Variants in TUSC3 observed in about 807,000 individuals in gnomAD.
TUSC3 encodes dolichyl-diphosphooligosaccharide--protein glycosyltransferase subunit TUSC3.
Under a neutral mutation model 44.8 loss-of-function variants are expected in TUSC3, and 45 were observed. The observed-to-expected ratio is 1.00, with a 90% CI of 0.79 to 1.29. The LOEUF (loss-of-function observed/expected upper bound fraction) is 1.29, where lower values mean the gene tolerates loss of function less well. Among genes scored for constraint, TUSC3 ranks in the 50% most tolerant of loss-of-function variants. The probability of loss-of-function intolerance (pLI) is 0.00; values close to 1 mark genes in which losing one functional copy is unlikely to be tolerated. For synonymous variants in TUSC3, 212 were observed against 152.9 expected (o/e 1.39, Z -2.85); for missense variants, 519 against 437.9 (o/e 1.19, Z -1.65).
At chr8:15,459,588 C>A (rs73534238) in intron 1 of TUSC3, among the ~76,000 whole-genome samples, 3,793 of 152,054 alleles carry the variant, frequency 0.025, 168 homozygotes, top group African/African-American at 0.085. Context: ...ATACACTGCA[C>A]CCTATTTGTA....
At chr8:15,719,282 C>G (rs928170982) in intron 6 of TUSC3, among the ~76,000 whole-genome samples, 1 of 151,992 alleles carries the variant, frequency 6.6e-6, no homozygotes, top group African/African-American at 2.4e-5. Context: ...TATTCCATCT[C>G]TCTTATATGT....
chr8:15,536,907 A>G (rs1801532020), upstream of TUSC3, among the ~76,000 whole-genome samples: 1 of 151,814 alleles, frequency 6.6e-6, no homozygotes, highest in Non-Finnish European at 1.5e-5. Context: ...CCTGTATATC[A>G]TGACTTACTT....
intron 1 of TUSC3, chr8:15,561,488 C>T (rs1308987074): frequency 2.1e-5 from 3 of 146,262 alleles, no homozygotes; most frequent in African/African-American, 7.5e-5. Context: ...AGAGGTGGAG[C>T]CTACAGAGGC....
At chr8:15,806,272 TG>T in the TUSC3 span, 11 of 622,884 alleles carry the variant, frequency 1.8e-5, no homozygotes, top group Non-Finnish European at 3.0e-5. Flanking sequence ...AGTCTGGGGA[TG>T]TTCTCATTGG....
chr8:15,824,213 G>T, the TUSC3 span, among the ~76,000 whole-genome samples: 51,910 of 151,970 alleles, frequency 0.34, 9,825 homozygotes, highest in African/African-American at 0.5. Flanking sequence ...TCTTGTTATT[G>T]ATTATTAATA....
chr8:15,444,474 C>A (rs919595875), intron 1 of TUSC3, among the ~76,000 whole-genome samples: 9 of 152,272 alleles, frequency 5.9e-5, no homozygotes, highest in Middle Eastern at 3.4e-3. Flanking sequence ...AGCAACCTAA[C>A]AGGATTCTTG....
chr8:15,739,550 A>G (rs1811097785), intron 7 of TUSC3, among the ~76,000 whole-genome samples: 1 of 152,222 alleles, frequency 6.6e-6, no homozygotes, highest in Non-Finnish European at 1.5e-5. Context: ...AAAATAGTAA[A>G]TTATAAAAAT....
chr8:15,528,723 TA>T (rs1372125370), intron 2 of TUSC3, among the ~76,000 whole-genome samples: 1 of 152,218 alleles, frequency 6.6e-6, no homozygotes, highest in Non-Finnish European at 1.5e-5. Flanking sequence ...ATTCTTTCTT[TA>T]ATTTTTTTTA....
At chr8:15,585,238 A>G (rs1052105878) in intron 1 of TUSC3, among the ~76,000 whole-genome samples, 3 of 152,274 alleles carry the variant, frequency 2.0e-5, no homozygotes, top group Admixed American at 1.3e-4. Context: ...TCACTTTTAG[A>G]TCCATGGCAT....
intron 2 of TUSC3, among the ~76,000 whole-genome samples, chr8:15,509,621 A>G (rs1171170391): frequency 6.6e-6 from 1 of 152,122 alleles, no homozygotes; most frequent in East Asian, 1.9e-4. Flanking sequence ...AAAAAAAATC[A>G]TAATAAAATA....
chr8:15,763,149 G>C (rs1812222814), intron 10 of TUSC3, among the ~76,000 whole-genome samples: 1 of 151,354 alleles, frequency 6.6e-6, no homozygotes, highest in Admixed American at 6.6e-5. Flanking sequence ...TATATTTCAT[G>C]TTTTATACTA....
Position 15,738,828 on chromosome 8 carries a change from T to TTTTTTTTTTCTTTC in TUSC3, c.863-4701_863-4700insCTTTCTTTTTTTTT, listed in dbSNP as rs1491343208. Among the ~76,000 whole-genome samples the TTTTTTTTTTCTTTC allele has an allele frequency of 1.0e-3, 96 of 93,856 alleles. 5 individuals are homozygous for TTTTTTTTTTCTTTC. The highest frequency in any genetic ancestry group is 2.5e-3 in the African/African-American group (61 of 23,970). The allele number at this position is 93,856 out of a possible 152,430, so 61.6% of individuals were successfully genotyped here. A position where few individuals can be genotyped will look rare whatever the true frequency, so the allele number is the denominator to read the frequency against. Reference sequence around the variant, plus strand: ...CAAAATTACTATTAATATATCTTGCTTTTTTTTTTTTTTTTTTTTTTTGAG... The same window carrying TTTTTTTTTTCTTTC: ...CAAAATTACTATTAATATATCTTGCTTTTTTTTTTCTTTCTTTTTTTTTTTTTTTTTTTTTTGAG... On this transcript the variant is annotated intron_variant, in intron 7 of 10. Transcript: ENST00000503731.
intron 9 of TUSC3, among the ~76,000 whole-genome samples, chr8:15,755,691 C>T (rs1221372466): frequency 1.3e-5 from 2 of 151,156 alleles, no homozygotes; most frequent in Non-Finnish European, 2.9e-5. Context: ...ACTACTTTGG[C>T]ACTGGAGCCT....
chr8:15,689,135 C>T, intron 6 of TUSC3: 1 of 395,364 alleles, frequency 2.5e-6, no homozygotes, highest in South Asian at 2.1e-5. Flanking sequence ...ATTCTTCTAG[C>T]TCATTTATCG....
intron 6 of TUSC3, among the ~76,000 whole-genome samples, chr8:15,681,673 A>C (rs568022066): frequency 1.3e-5 from 2 of 151,354 alleles, no homozygotes; most frequent in South Asian, 2.1e-4. Flanking sequence ...ATTTCATTCA[A>C]TTATGCTCTG....
At chr8:15,823,826 G>A in the TUSC3 span, among the ~76,000 whole-genome samples, 2 of 152,090 alleles carry the variant, frequency 1.3e-5, no homozygotes, top group Admixed American at 6.5e-5. Flanking sequence ...TGTCTTATTG[G>A]TATATGAGCA....
the TUSC3 span, among the ~76,000 whole-genome samples, chr8:15,797,163 C>A: frequency 3.3e-5 from 5 of 152,156 alleles, no homozygotes; most frequent in African/African-American, 1.2e-4. Context: ...GGAGTTAAGC[C>A]TGTGAGTTCC....
At chr8:15,424,336 C>T (rs940460444) in intron 1 of TUSC3, among the ~76,000 whole-genome samples, 1 of 151,986 alleles carries the variant, frequency 6.6e-6, no homozygotes, top group Non-Finnish European at 1.5e-5. Flanking sequence ...CTAGAACAAC[C>T]TGGAGCGTTG....
intron 1 of TUSC3, among the ~76,000 whole-genome samples, chr8:15,440,441 G>C (rs73189501): frequency 0.16 from 24,721 of 152,114 alleles, 2,086 homozygotes; most frequent in Middle Eastern, 0.22. Context: ...AATGGGAAAC[G>C]ATTGAAGGAT....
Sources: allele counts gnomAD v4.1 joint callset (sites outside exome capture counted in the v4.1 genomes callset), GRCh38; gene constraint gnomAD v4.1.1; transcripts MANE v1.5; gene names NCBI Gene and HGNC (gene_info 2026-07-23, HGNC 2026-07-21).